The following ENTREP2 variants were observed in gnomAD, a reference collection of about 807,000 sequenced individuals.
ENTREP2 encodes the protein endosomal transmembrane epsin interactor 2.
the ENTREP2 span, among the ~76,000 whole-genome samples, chr15:29,481,248 T>C: frequency 1.3e-5 from 2 of 152,110 alleles, no homozygotes; most frequent in Non-Finnish European, 2.9e-5. Context: ...GAAGTGTGCA[T>C]AGGAATCCCA....
At chr15:29,475,362 C>G in the ENTREP2 span, among the ~76,000 whole-genome samples, 1 of 152,278 alleles carries the variant, frequency 6.6e-6, no homozygotes, top group Non-Finnish European at 1.5e-5. Context: ...AGGGCTGAGT[C>G]CTGTGACCAC....
At chr15:29,229,810 CA>C in the ENTREP2 span, among the ~76,000 whole-genome samples, 1 of 152,126 alleles carries the variant, frequency 6.6e-6, no homozygotes, top group Non-Finnish European at 1.5e-5. Context: ...TTTTTCTAGA[CA>C]ATCTCATCCA....
chr15:29,672,322 C>T, the ENTREP2 span, among the ~76,000 whole-genome samples: 4 of 152,144 alleles, frequency 2.6e-5, no homozygotes, highest in Non-Finnish European at 5.9e-5. Flanking sequence ...GCCTATGGAT[C>T]CCACAATGGC....
the ENTREP2 span, among the ~76,000 whole-genome samples, chr15:29,590,683 C>CAAAAAAAAAAAAAAAAA: frequency 2.7e-5 from 2 of 75,328 alleles, no homozygotes; most frequent in African/African-American, 5.0e-5. Context: ...GACTCCGTCT[C>CAAAAAAAAAAAAAAAAA]AAAAAAAAAA....
chr15:29,464,310 G>A, the ENTREP2 span, among the ~76,000 whole-genome samples: 1 of 152,182 alleles, frequency 6.6e-6, no homozygotes, highest in East Asian at 1.9e-4. Context: ...GGAAGTGGGT[G>A]TCCCTGCAAC....
the ENTREP2 span, among the ~76,000 whole-genome samples, chr15:29,450,831 C>CTTA: frequency 1.3e-5 from 2 of 152,140 alleles, no homozygotes; most frequent in Non-Finnish European, 1.5e-5. Flanking sequence ...GGCCATTATC[C>CTTA]TTAGCAAATT....
chr15:29,376,265 T>G, the ENTREP2 span: 5 of 152,172 alleles, frequency 3.3e-5, no homozygotes, highest in African/African-American at 1.2e-4. Context: ...CCGCCTGTGA[T>G]TGTGGGAGAC....
the ENTREP2 span, among the ~76,000 whole-genome samples, chr15:29,272,573 G>A: frequency 1.3e-5 from 2 of 152,178 alleles, no homozygotes; most frequent in Non-Finnish European, 2.9e-5. Flanking sequence ...CTGCGGGGCG[G>A]CCATTCCAAC....
the ENTREP2 span, among the ~76,000 whole-genome samples, chr15:29,599,395 G>T: frequency 6.6e-6 from 1 of 152,180 alleles, no homozygotes; most frequent in African/African-American, 2.4e-5. Context: ...CAGTTCCCTA[G>T]AACTCCCTTG....
chr15:29,544,482 C>T, the ENTREP2 span, among the ~76,000 whole-genome samples: 1 of 152,156 alleles, frequency 6.6e-6, no homozygotes, highest in East Asian at 1.9e-4. Flanking sequence ...AAATTGTTAA[C>T]ATGGTAAATT....
chr15:29,572,011 G>A, the ENTREP2 span, among the ~76,000 whole-genome samples: 2 of 152,346 alleles, frequency 1.3e-5, 1 homozygote, highest in South Asian at 4.1e-4. Context: ...ACGCTAGAGA[G>A]TGTAGTCCCA....
At chr15:29,253,641 C>A in the ENTREP2 span, among the ~76,000 whole-genome samples, 1 of 152,036 alleles carries the variant, frequency 6.6e-6, no homozygotes, top group African/African-American at 2.4e-5. Context: ...CGGGGTTTCA[C>A]CATGTTGGCC....
the ENTREP2 span, among the ~76,000 whole-genome samples, chr15:29,174,707 C>CAA: frequency 4.6e-3 from 634 of 138,362 alleles, 19 homozygotes; most frequent in Non-Finnish European, 4.0e-3. Context: ...CAAAACAAAA[C>CAA]AACAAAAAAA....
At chr15:29,541,231 C>G in the ENTREP2 span, among the ~76,000 whole-genome samples, 1 of 152,180 alleles carries the variant, frequency 6.6e-6, no homozygotes. Flanking sequence ...GAGGACCCAA[C>G]AACTGACCCG....
the ENTREP2 span, among the ~76,000 whole-genome samples, chr15:29,279,578 T>C: frequency 1.3e-5 from 2 of 152,100 alleles, no homozygotes; most frequent in East Asian, 1.9e-4. Context: ...TTGGCCAGGA[T>C]GGTCTTGATC....
chr15:29,428,365 C>G, the ENTREP2 span, among the ~76,000 whole-genome samples: 5 of 152,092 alleles, frequency 3.3e-5, no homozygotes, highest in Non-Finnish European at 7.4e-5. Flanking sequence ...AGGTGCTCGC[C>G]ACCACACACG....
the ENTREP2 span, among the ~76,000 whole-genome samples, chr15:29,649,727 CAAAAAA>C: frequency 7.6e-4 from 51 of 66,938 alleles, no homozygotes; most frequent in African/African-American, 1.8e-3. Context: ...TCAACAACAA[CAAAAAA>C]AAAAAAAAAA....
chr15:29,407,182 CT>C, the ENTREP2 span, among the ~76,000 whole-genome samples: 1 of 152,214 alleles, frequency 6.6e-6, no homozygotes, highest in African/African-American at 2.4e-5. Context: ...CGGCCTACTG[CT>C]CCCAGGCTAC....
chr15:29,209,450 C>G, the ENTREP2 span, among the ~76,000 whole-genome samples: 2 of 152,042 alleles, frequency 1.3e-5, no homozygotes, highest in Admixed American at 1.3e-4. Flanking sequence ...TGCTGTGGGC[C>G]GGTATCACCC....
Sources: gnomAD v4.1 joint callset for allele counts (sites outside exome capture counted in the v4.1 genomes callset) on GRCh38, gnomAD v4.1.1 for gene constraint, MANE v1.5 for transcripts, NCBI Gene and HGNC (gene_info 2026-07-23, HGNC 2026-07-21) for gene names.